The following CCBE1 variants were observed in gnomAD, a reference collection of about 807,000 sequenced individuals.
The protein encoded by CCBE1 is collagen and calcium-binding EGF domain-containing protein 1.
CCBE1 carries 37 observed loss-of-function variants against 50.0 expected under a neutral mutation model. That is an observed-to-expected ratio of 0.74 (90% confidence interval 0.57 to 0.97). CCBE1 has a LOEUF of 0.97. CCBE1 is among the 50% of genes least tolerant of loss of function. The pLI, the probability that CCBE1 is intolerant of heterozygous loss-of-function variation, is 0.00. For missense variants in CCBE1, 538 were observed against 523.8 expected, an observed-to-expected ratio of 1.03 and a Z score of -0.26; for synonymous variants, 234 against 203.7, an observed-to-expected ratio of 1.15 and a Z score of -1.27.
intron 2 of CCBE1, among the ~76,000 whole-genome samples, chr18:59,590,295 TA>T (rs1017920451): frequency 1.3e-5 from 2 of 152,064 alleles, no homozygotes; most frequent in East Asian, 3.8e-4. Flanking sequence ...ATATAAAATA[TA>T]AAGATAAAAT....
intron 2 of CCBE1, among the ~76,000 whole-genome samples, chr18:59,485,098 C>T (rs627065): frequency 6.6e-6 from 1 of 151,892 alleles, no homozygotes; most frequent in Admixed American, 6.6e-5. Context: ...TTCTTAATAC[C>T]CTTCACGTGT....
At chr18:59,626,859 G>A (rs898404880) in intron 2 of CCBE1, among the ~76,000 whole-genome samples, 6 of 152,254 alleles carry the variant, frequency 3.9e-5, no homozygotes, top group African/African-American at 1.4e-4. Flanking sequence ...TAAGGGTTGA[G>A]CCCTTGATTC....
chr18:59,481,694 G>A (rs1319027143), intron 2 of CCBE1, among the ~76,000 whole-genome samples: 1 of 152,094 alleles, frequency 6.6e-6, no homozygotes, highest in Non-Finnish European at 1.5e-5. Context: ...AAACAAACTT[G>A]TGCAACCCAG....
At chr18:59,660,151 C>T (rs543141477) in intron 2 of CCBE1, among the ~76,000 whole-genome samples, 10 of 152,344 alleles carry the variant, frequency 6.6e-5, no homozygotes, top group Admixed American at 2.6e-4. Flanking sequence ...GAAATCCAGC[C>T]TGCACTCCCT....
At chr18:59,580,955 A>G (rs2053075982) in intron 2 of CCBE1, among the ~76,000 whole-genome samples, 1 of 152,168 alleles carries the variant, frequency 6.6e-6, no homozygotes, top group Non-Finnish European at 1.5e-5. Flanking sequence ...GTGGATGAGG[A>G]GAGGCACCAG....
intron 2 of CCBE1, among the ~76,000 whole-genome samples, chr18:59,546,020 T>C (rs780627764): frequency 2.0e-5 from 3 of 152,246 alleles, no homozygotes; most frequent in Non-Finnish European, 4.4e-5. Flanking sequence ...TACCTGTATA[T>C]GTAGAAGTGG....
At chr18:59,482,513 C>T (rs1418205069) in intron 2 of CCBE1, among the ~76,000 whole-genome samples, 1 of 152,142 alleles carries the variant, frequency 6.6e-6, no homozygotes, top group East Asian at 1.9e-4. Context: ...TATTGCAGCA[C>T]TATTCACAAT....
intron 2 of CCBE1, among the ~76,000 whole-genome samples, chr18:59,557,374 G>A (rs1254884697): frequency 6.6e-6 from 1 of 152,062 alleles, no homozygotes; most frequent in Non-Finnish European, 1.5e-5. Flanking sequence ...CTGCTTGTCT[G>A]ATTCCCTAAC....
chr18:59,659,905 CT>C (rs2054259198), intron 2 of CCBE1, among the ~76,000 whole-genome samples: 1 of 152,162 alleles, frequency 6.6e-6, no homozygotes, highest in Admixed American at 6.5e-5. Flanking sequence ...CCTCCCAGTT[CT>C]AAGTTTGTGT....
In CCBE1 at chr18:59,435,665, ACC is replaced by A; in HGVS notation, c.*241_*242del. The A allele has an allele frequency of 1.8e-6, 1 of 568,572 alleles. No individual in the cohort carries two copies. The highest frequency in any genetic ancestry group is 2.1e-5 in the South Asian group (1 of 46,834). 35.2% of individuals were successfully genotyped at this position (568,572 alleles called of 1,614,324 possible). A position where few individuals can be genotyped will look rare whatever the true frequency, so the allele number is the denominator to read the frequency against. ...TAAAAGAAAAGTTACAATGCAAACC[ACC>A]CCAATGGACTCTTAGTGAGAAGCAG... On this transcript the variant is annotated 3_prime_UTR_variant, in exon 11 of 11. Coordinates refer to ENST00000439986, the MANE Select transcript of CCBE1 (RefSeq NM_133459.4).
intron 2 of CCBE1, among the ~76,000 whole-genome samples, chr18:59,646,515 G>A (rs1376715592): frequency 6.6e-6 from 1 of 152,202 alleles, no homozygotes; most frequent in Non-Finnish European, 1.5e-5. Context: ...TTGGGACAGA[G>A]CTTACAGCAT....
chr18:59,657,892 C>CAACAACA (rs754804759), intron 2 of CCBE1, among the ~76,000 whole-genome samples: 2 of 151,232 alleles, frequency 1.3e-5, no homozygotes, highest in African/African-American at 2.4e-5. Flanking sequence ...CAACAACAAA[C>CAACAACA]AACAACAACA....
intron 6 of CCBE1, among the ~76,000 whole-genome samples, chr18:59,451,647 T>G (rs1465121782): frequency 6.6e-6 from 1 of 152,116 alleles, no homozygotes; most frequent in Non-Finnish European, 1.5e-5. Flanking sequence ...AAACATGTTT[T>G]TATTGCAAAA....
Position 59,469,616 on chromosome 18 carries a change from G to T in CCBE1, c.266-9C>A, listed in dbSNP as rs774797314. ...GGCACAAACGTCGTAATCTGAAAAA[G>T]CAAAGTGAGAGCTCACATCAACTAC... On this transcript the variant is annotated splice_polypyrimidine_tract_variant and intron_variant, in intron 3 of 10. Transcript: ENST00000439986. The T allele has an allele frequency of 1.1e-5, 18 of 1,613,902 alleles. No individual in the cohort carries two copies. Among genetic ancestry groups the T allele is most frequent in the Non-Finnish European group, 1.4e-5 (17 of 1,180,032 alleles).
At chr18:59,600,505 T>C (rs2053414733) in intron 2 of CCBE1, among the ~76,000 whole-genome samples, 2 of 151,998 alleles carry the variant, frequency 1.3e-5, no homozygotes, top group African/African-American at 4.8e-5. Flanking sequence ...TGTGGAAAAA[T>C]TGTCTTCTAC....
intron 10 of CCBE1, among the ~76,000 whole-genome samples, chr18:59,436,344 G>T (rs1402040052): frequency 1.3e-5 from 2 of 152,182 alleles, no homozygotes; most frequent in Non-Finnish European, 2.9e-5. Context: ...GAGCTTTGGT[G>T]ATGTATTCAC....
chr18:59,468,309 C>T lies in CCBE1; in HGVS notation c.400+1164G>A, dbSNP rs139287908. Among the ~76,000 whole-genome samples the T allele has an allele frequency of 7.9e-3, 1,208 of 152,264 alleles. 13 individuals carry two copies. Among genetic ancestry groups the T allele is most frequent in the African/African-American group, 0.027 (1,142 of 41,556 alleles). ...CTCAGGTGGGAGGATCACAGGAGCA[C>T]GGGAGGTTGAGGCTGCAGTGAGCCA... On this transcript the variant is annotated intron_variant, in intron 4 of 10. Transcript: ENST00000439986.
At chr18:59,436,329 C>T (rs1334590610) in intron 10 of CCBE1, among the ~76,000 whole-genome samples, 188 bp from the exon 11 acceptor site, 1 of 152,186 alleles carries the variant, frequency 6.6e-6, no homozygotes, top group African/African-American at 2.4e-5. Flanking sequence ...TGTCACTTCT[C>T]AGCTGAGCTT....
At chr18:59,683,620 C>G (rs1035090930) in intron 2 of CCBE1, among the ~76,000 whole-genome samples, 1 of 152,124 alleles carries the variant, frequency 6.6e-6, no homozygotes, top group Non-Finnish European at 1.5e-5. Flanking sequence ...ATTGCTTGAA[C>G]CCAGGAGGTG....
Sources: allele counts gnomAD v4.1 joint callset (sites outside exome capture counted in the v4.1 genomes callset), GRCh38; gene constraint gnomAD v4.1.1; transcripts MANE v1.5; gene names NCBI Gene and HGNC (gene_info 2026-07-23, HGNC 2026-07-21).